The following TENM4 variants were observed in gnomAD, a reference collection of about 807,000 sequenced individuals.
TENM4 encodes teneurin transmembrane protein 4, also known as teneurin-4.
A neutral mutation model predicts 243.3 loss-of-function variants in TENM4; 82 were observed. That is an observed-to-expected ratio of 0.34 (90% CI 0.28 to 0.40). TENM4 has a LOEUF of 0.40. Ranked by LOEUF, TENM4 falls within the 10% of genes least tolerant of loss-of-function variation. TENM4 has a pLI of 1.00. For synonymous variants in TENM4, 1,412 were observed against 1,456.3 expected (o/e 0.97, Z 0.69); for missense variants, 3,138 against 3,673.3 (o/e 0.85, Z 3.77).
intron 6 of TENM4, among the ~76,000 whole-genome samples, chr11:78,993,908 AT>A (rs1432706331): frequency 6.6e-6 from 1 of 152,054 alleles, no homozygotes; most frequent in Non-Finnish European, 1.5e-5. Flanking sequence ...TGCACACATA[AT>A]TTTTTATTGT....
intron 19 of TENM4, among the ~76,000 whole-genome samples, chr11:78,746,263 G>A (rs1024625936): frequency 1.3e-5 from 2 of 152,214 alleles, no homozygotes; most frequent in South Asian, 2.1e-4. Context: ...CACCAGCTCC[G>A]CCATGGTGCC....
chr11:79,227,882 G>T (rs185762570), intron 2 of TENM4, among the ~76,000 whole-genome samples: 1 of 152,312 alleles, frequency 6.6e-6, no homozygotes, highest in East Asian at 1.9e-4. Context: ...GTGAAACACT[G>T]ACATCTTAAT....
intron 6 of TENM4, among the ~76,000 whole-genome samples, chr11:79,048,995 A>T (rs189730269): frequency 1.7e-4 from 26 of 152,262 alleles, no homozygotes; most frequent in African/African-American, 3.9e-4. Flanking sequence ...TCTCTGGCTG[A>T]TGGTTACCCA....
chr11:79,292,199 T>A (rs979702709), intron 2 of TENM4, among the ~76,000 whole-genome samples: 3 of 152,054 alleles, frequency 2.0e-5, no homozygotes, highest in African/African-American at 7.2e-5. Context: ...GTCCATGAGG[T>A]CTTGGGGAAG....
intron 1 of TENM4, among the ~76,000 whole-genome samples, chr11:79,398,778 G>A (rs373623144): frequency 0.31 from 22 of 70 alleles, no homozygotes; most frequent in Admixed American, 0.5. Flanking sequence ...CAGTGTGTTA[G>A]GTTCTAAACT....
intron 7 of TENM4, among the ~76,000 whole-genome samples, chr11:78,894,236 G>GC (rs778901619): frequency 2.6e-5 from 4 of 152,122 alleles, no homozygotes; most frequent in Non-Finnish European, 5.9e-5. Context: ...AACTCCTGCT[G>GC]CCCCCCGGGA....
In TENM4 at chr11:78,805,282, C is replaced by CCCCCCCCCACCCCCCCCCCCCCCTTT; in HGVS notation, c.2179+9_2179+10insAAAGGGGGGGGGGGGGGTGGGGGGGG. On this transcript the variant is annotated intron_variant, in intron 15 of 33. Coordinates refer to ENST00000278550, the MANE Select transcript of TENM4 (RefSeq NM_001098816.3). ...CCCTCTACCCATGCTTCTTCTCCCC[C>CCCCCCCCCACCCCCCCCCCCCCCTTT]TGCATTTACCGATAGAACAGTCGTG... 2.0e-6 allele frequency: 2 copies of CCCCCCCCCACCCCCCCCCCCCCCTTT among 995,568 alleles called. No individual in the cohort carries two copies. The highest frequency in any genetic ancestry group is 3.2e-5 in the South Asian group (1 of 30,968). The allele number at this position is 995,568 out of a possible 1,614,324, so 61.7% of individuals were successfully genotyped here.
At chr11:79,004,784 A>G (rs910258620) in intron 6 of TENM4, among the ~76,000 whole-genome samples, 1 of 152,204 alleles carries the variant, frequency 6.6e-6, no homozygotes, top group East Asian at 1.9e-4. Flanking sequence ...GATGCAAAAA[A>G]CCATAAGAAA....
chr11:79,001,892 C>T (rs118075911), intron 6 of TENM4, among the ~76,000 whole-genome samples: 2,171 of 152,268 alleles, frequency 0.014, 30 homozygotes, highest in Non-Finnish European at 0.021. Context: ...ACATCCCCTG[C>T]CAATGTGCAC....
At chr11:79,301,040 T>C (rs1372090823) in intron 1 of TENM4, among the ~76,000 whole-genome samples, 2 of 152,160 alleles carry the variant, frequency 1.3e-5, no homozygotes, top group Admixed American at 1.3e-4. Context: ...TCCATCTCCA[T>C]GCCCTCATTC....
intron 3 of TENM4, among the ~76,000 whole-genome samples, chr11:79,204,804 C>A (rs549388703): frequency 1.3e-5 from 2 of 152,152 alleles, no homozygotes; most frequent in African/African-American, 4.8e-5. Flanking sequence ...CACGGCAACA[C>A]GGCTCGTGCT....
At chr11:79,159,983 T>C (rs1862707069) in intron 3 of TENM4, among the ~76,000 whole-genome samples, 1 of 152,242 alleles carries the variant, frequency 6.6e-6, no homozygotes, top group Non-Finnish European at 1.5e-5. Flanking sequence ...CACGAATTCA[T>C]TTTTTACTTA....
At chr11:78,856,983 TAGG>T (rs1858695517) in intron 10 of TENM4, among the ~76,000 whole-genome samples, 3 of 152,062 alleles carry the variant, frequency 2.0e-5, no homozygotes, top group Admixed American at 2.0e-4. Flanking sequence ...CTATACTGAT[TAGG>T]AGGGTGACAG....
intron 28 of TENM4, among the ~76,000 whole-genome samples, chr11:78,698,882 G>T (rs1859037092): frequency 6.6e-6 from 1 of 152,154 alleles, no homozygotes; most frequent in Admixed American, 6.6e-5. Context: ...TTTGCCTTGG[G>T]TGGCTCTGCG....
At chr11:78,722,353 A>T (rs1413373245) in intron 24 of TENM4, among the ~76,000 whole-genome samples, 2 of 152,198 alleles carry the variant, frequency 1.3e-5, no homozygotes, top group African/African-American at 4.8e-5. Context: ...ACTCATTCTA[A>T]TCAGTTTACT....
intron 2 of TENM4, among the ~76,000 whole-genome samples, chr11:79,284,177 G>A (rs970781542): frequency 2.0e-5 from 3 of 152,086 alleles, no homozygotes; most frequent in Non-Finnish European, 4.4e-5. Context: ...ATCTCAGCTG[G>A]ATTCTCTTTT....
rs569295478 is a variant in TENM4 at position 79,113,342 on chromosome 11, C to A, written c.-66+35368G>T. 2.6e-5 allele frequency among the ~76,000 whole-genome samples: 4 copies of A among 151,500 alleles called. No homozygotes were observed. The East Asian group carries it at 5.8e-4, about 22-fold the overall frequency. Reference sequence around the variant, plus strand: ...AATTCATATCCTTCATATCCTGAATCTCTGAACTTCATGGGATTCTGTCTG... The same window carrying A: ...AATTCATATCCTTCATATCCTGAATATCTGAACTTCATGGGATTCTGTCTG... On this transcript the variant is annotated intron_variant, in intron 4 of 33. Coordinates refer to ENST00000278550, the MANE Select transcript of TENM4 (RefSeq NM_001098816.3).
intron 7 of TENM4, among the ~76,000 whole-genome samples, chr11:78,899,568 G>GGT (rs1555098958): frequency 7.7e-6 from 1 of 129,272 alleles, no homozygotes; most frequent in Non-Finnish European, 1.7e-5. Context: ...GCGGGGGGGG[G>GGT]GGGAAAAAGA....
intron 1 of TENM4, among the ~76,000 whole-genome samples, chr11:79,387,353 C>T (rs1339875438): frequency 6.6e-6 from 1 of 152,144 alleles, no homozygotes; most frequent in Non-Finnish European, 1.5e-5. Context: ...ATCCACTGAG[C>T]TATACACTTA....
Sources: gnomAD v4.1 joint callset for allele counts (sites outside exome capture counted in the v4.1 genomes callset) on GRCh38, gnomAD v4.1.1 for gene constraint, MANE v1.5 for transcripts, NCBI Gene and HGNC (gene_info 2026-07-23, HGNC 2026-07-21) for gene names.